The following DISP1 variants were observed in gnomAD, a reference collection of about 807,000 sequenced individuals.
DISP1 encodes dispatched RND transporter family member 1.
DISP1 carries 30 observed loss-of-function variants against 37.3 expected under a neutral mutation model. The observed-to-expected ratio is 0.80, with a 90% CI of 0.60 to 1.09. The LOEUF (loss-of-function observed/expected upper bound fraction) is 1.09, where lower values mean the gene tolerates loss of function less well. Among genes scored for constraint, DISP1 ranks in the 50% least tolerant of loss-of-function variants. DISP1 has a pLI of 0.00. For missense variants in DISP1, 1,598 were observed against 1,879.5 expected, an observed-to-expected ratio of 0.85 and a Z score of 2.77; for synonymous variants, 634 against 690.2, an observed-to-expected ratio of 0.92 and a Z score of 1.28.
At chr1:222,979,773 C>T in intron 3 of DISP1, 1 of 401,086 alleles carries the variant, frequency 2.5e-6, no homozygotes, top group Non-Finnish European at 5.3e-6. Context: ...TAGCCCTGGC[C>T]AGCTGAGCGC....
chr1:222,884,422 G>A (rs574836204), intron 1 of DISP1, among the ~76,000 whole-genome samples: 85 of 151,974 alleles, frequency 5.6e-4, no homozygotes, highest in Non-Finnish European at 1.1e-3. Context: ...TTGTGTCTCC[G>A]TAGTCTCTTC....
rs575439166 is a variant in DISP1, at chr1:222,879,530, C to T, written c.-158-48900C>T. On this transcript the variant is annotated intron_variant, in intron 1 of 8. Coordinates refer to ENST00000675850, the MANE Select transcript of DISP1 (RefSeq NM_001377229.1). ...GAATATTCATATATCATAGAATTTT[C>T]TATTTGAATAAAATGTGATTGTGTA... Among the ~76,000 whole-genome samples the T allele has an allele frequency of 3.9e-5, 6 of 152,016 alleles. No individual in the cohort carries two copies. The South Asian group carries it at 1.2e-3, about 32-fold the overall frequency.
At chr1:222,835,267 T>G (rs1456001265) in intron 1 of DISP1, 2 of 152,238 alleles carry the variant, frequency 1.3e-5, no homozygotes, top group Non-Finnish European at 2.9e-5. Flanking sequence ...ACTTGGATTT[T>G]ATTTGTATAC....
At chr1:222,867,216 T>C (rs1669243934) in intron 1 of DISP1, among the ~76,000 whole-genome samples, 1 of 152,236 alleles carries the variant, frequency 6.6e-6, no homozygotes, top group African/African-American at 2.4e-5. Flanking sequence ...CAACTGACCC[T>C]TGATGGTCAT....
chr1:222,894,221 C>A (rs1028065513), intron 1 of DISP1, among the ~76,000 whole-genome samples: 2 of 152,216 alleles, frequency 1.3e-5, no homozygotes, highest in African/African-American at 2.4e-5. Context: ...GGCTTCAGGC[C>A]GTCCCTGGCT....
At chr1:222,825,029 G>T (rs2125175946) in intron 1 of DISP1, among the ~76,000 whole-genome samples, 1 of 152,204 alleles carries the variant, frequency 6.6e-6, no homozygotes, top group South Asian at 2.1e-4. Context: ...GAGTAAATTA[G>T]TGGCCACCAA....
intron 1 of DISP1, among the ~76,000 whole-genome samples, chr1:222,836,679 A>G (rs1296490219): frequency 2.6e-5 from 4 of 151,964 alleles, no homozygotes; most frequent in Non-Finnish European, 5.9e-5. Context: ...AATAAAACAA[A>G]TAGTATTAAG....
At chr1:222,993,710 T>G (rs548444394) in intron 7 of DISP1, among the ~76,000 whole-genome samples, 5 of 152,332 alleles carry the variant, frequency 3.3e-5, no homozygotes, top group Admixed American at 3.3e-4. Flanking sequence ...AATCAAAGTA[T>G]TAGTATATAT....
At chr1:222,931,629 A>C (rs1673403664) in intron 2 of DISP1, among the ~76,000 whole-genome samples, 1 of 151,598 alleles carries the variant, frequency 6.6e-6, no homozygotes, top group Admixed American at 6.6e-5. Context: ...TGCTATCTGC[A>C]GGCTGTCTAA....
At chr1:222,869,184 A>G (rs888955888) in intron 1 of DISP1, among the ~76,000 whole-genome samples, 2 of 152,152 alleles carry the variant, frequency 1.3e-5, no homozygotes, top group African/African-American at 4.8e-5. Flanking sequence ...ATTTTCCAAC[A>G]TTAGGGATGT....
chr1:223,001,192 G>A (rs1679418537), intron 8 of DISP1, among the ~76,000 whole-genome samples: 1 of 152,144 alleles, frequency 6.6e-6, no homozygotes, highest in African/African-American at 2.4e-5. Context: ...TCCAGGAATA[G>A]TGTTTTAAAT....
At chr1:222,846,452 T>C (rs1412351921) in intron 1 of DISP1, among the ~76,000 whole-genome samples, 4 of 151,942 alleles carry the variant, frequency 2.6e-5, no homozygotes, top group Admixed American at 6.6e-5. Context: ...GATTGTGCCA[T>C]TGCACTCCAG....
Position 223,005,503 on chromosome 1 carries a change from T to C in DISP1, c.4106T>C (p.Ile1369Thr), listed in dbSNP as rs753729422. 8 of 1,613,486 alleles carry C rather than the reference T, an allele frequency of 5.0e-6. No homozygotes were observed. The East Asian group carries it at 1.6e-4, about 31-fold the overall frequency. Residue 1369 changes from isoleucine to threonine, a missense_variant, in exon 9 of 9, where the codon ATT becomes ACT. Physicochemically the swap from Ile to Thr is moderately conservative, Grantham distance 89 (BLOSUM62 -1). Coordinates refer to ENST00000675850, the MANE Select transcript of DISP1 (RefSeq NM_001377229.1). ...CAGCACATTCAGGCCCAAGAAAAAA[T>C]TGGCAAGACCAATGTACACAGTCTT... ...PVQHIQAQEK[I>T]GKTNVHSLQR...
chr1:222,916,862 G>C (rs529749367), intron 1 of DISP1, among the ~76,000 whole-genome samples: 1 of 152,236 alleles, frequency 6.6e-6, no homozygotes, highest in Non-Finnish European at 1.5e-5. Flanking sequence ...GAAAGAGTGA[G>C]GGTTGTGATC....
chr1:222,983,192 G>T, intron 4 of DISP1, 83 bp downstream of exon 4: 2 of 1,099,362 alleles, frequency 1.8e-6, no homozygotes, highest in African/African-American at 1.6e-5. Context: ...GTATTTTGCT[G>T]TTCTTTTCAC....
At chr1:222,998,447 C>T (rs1216873047) in intron 8 of DISP1, among the ~76,000 whole-genome samples, 1 of 151,918 alleles carries the variant, frequency 6.6e-6, no homozygotes, top group Non-Finnish European at 1.5e-5. Flanking sequence ...TTAGTTCAAA[C>T]TCTAGGTTTT....
intron 1 of DISP1, among the ~76,000 whole-genome samples, chr1:222,840,332 C>T (rs1667515700): frequency 6.6e-6 from 1 of 152,026 alleles, no homozygotes; most frequent in African/African-American, 2.4e-5. Context: ...ACTTTTGCCT[C>T]CCAGGTTCAA....
intron 3 of DISP1, among the ~76,000 whole-genome samples, chr1:222,945,469 GA>G (rs1674703917): frequency 6.6e-6 from 1 of 152,168 alleles, no homozygotes; most frequent in African/African-American, 2.4e-5. Flanking sequence ...TCTGCATTTT[GA>G]AGCTGATACC....
intron 2 of DISP1, among the ~76,000 whole-genome samples, chr1:222,940,887 AT>A (rs764063914): frequency 5.3e-5 from 8 of 152,214 alleles, no homozygotes; most frequent in Non-Finnish European, 1.2e-4. Context: ...AAATAATTAC[AT>A]TGATCTCATC....
Sources: gnomAD v4.1 joint callset for allele counts (sites outside exome capture counted in the v4.1 genomes callset) on GRCh38, gnomAD v4.1.1 for gene constraint, MANE v1.5 for transcripts, NCBI Gene and HGNC (gene_info 2026-07-23, HGNC 2026-07-21) for gene names.